The following ADGRF5 variants were observed in gnomAD, a reference collection of about 807,000 sequenced individuals.
ADGRF5 encodes the protein G-protein coupled receptor 116.
ADGRF5 carries 75 observed loss-of-function variants against 132.3 expected under a neutral mutation model. The ratio of observed to expected loss-of-function variants is 0.57; its 90% CI spans 0.47 to 0.69. The LOEUF is 0.69. Ranked by LOEUF, ADGRF5 falls within the 30% of genes least tolerant of loss-of-function variation. The probability of loss-of-function intolerance (pLI) is 0.00; values close to 1 mark genes in which losing one functional copy is unlikely to be tolerated. For missense variants in ADGRF5, 1,516 were observed against 1,630.6 expected, an observed-to-expected ratio of 0.93 and a Z score of 1.21; for synonymous variants, 629 against 597.6, an observed-to-expected ratio of 1.05 and a Z score of -0.77.
chr6:46,914,333 AT>A (rs1776241195), intron 1 of ADGRF5, among the ~76,000 whole-genome samples: 1 of 152,208 alleles, frequency 6.6e-6, no homozygotes, highest in South Asian at 2.1e-4. Flanking sequence ...GGTAAGACTT[AT>A]CTTTGCTGAC....
chr6:46,922,681 G>A (rs1044203069), upstream of ADGRF5, among the ~76,000 whole-genome samples: 3 of 152,162 alleles, frequency 2.0e-5, no homozygotes, highest in Non-Finnish European at 4.4e-5. Flanking sequence ...AACACGGATG[G>A]GGAATGCTGT....
intron 10 of ADGRF5, among the ~76,000 whole-genome samples, chr6:46,873,023 C>T (rs932248340): frequency 2.6e-5 from 4 of 152,168 alleles, no homozygotes; most frequent in Admixed American, 2.0e-4. Context: ...TAAATTACCT[C>T]CTAGCTCACA....
intron 2 of ADGRF5, among the ~76,000 whole-genome samples, chr6:46,904,260 G>A (rs1775084027): frequency 6.6e-6 from 1 of 152,284 alleles, no homozygotes; most frequent in Middle Eastern, 3.4e-3. Context: ...CACGTTCATA[G>A]GCACATTATT....
intron 13 of ADGRF5, among the ~76,000 whole-genome samples, chr6:46,866,230 T>C (rs1449370357): frequency 6.6e-6 from 1 of 152,158 alleles, no homozygotes; most frequent in Non-Finnish European, 1.5e-5. Context: ...GACAACTATA[T>C]TTTTTGGGGG....
intron 3 of ADGRF5, among the ~76,000 whole-genome samples, chr6:46,894,065 C>T (rs890482089): frequency 1.3e-5 from 2 of 152,222 alleles, no homozygotes; most frequent in Admixed American, 6.5e-5. Context: ...CTGCTAACTT[C>T]ACCCAGGAGA....
intron 1 of ADGRF5, among the ~76,000 whole-genome samples, chr6:46,914,593 A>G (rs1776263080): frequency 6.6e-6 from 1 of 152,116 alleles, no homozygotes; most frequent in African/African-American, 2.4e-5. Context: ...CACACTGCAC[A>G]TGTGGGCGGC....
At chr6:46,889,836 G>A (rs966864072) in intron 3 of ADGRF5, among the ~76,000 whole-genome samples, 2 of 150,478 alleles carry the variant, frequency 1.3e-5, no homozygotes, top group Non-Finnish European at 3.0e-5. Flanking sequence ...CTGGGCCACA[G>A]TTTTAAGCTT....
rs979672208 is a variant in ADGRF5, at chr6:46,949,756, G to A, written c.-25+4978C>T. ...TGCTGTTATTTGCCTGACTCTACTTGAGCTGAAAATGTACAGAAATGTGGC... is the reference window on the plus strand; with the variant it reads ...TGCTGTTATTTGCCTGACTCTACTTAAGCTGAAAATGTACAGAAATGTGGC... On this transcript the variant is annotated intron_variant, in intron 1 of 20. Transcript: ENST00000265417. Among the ~76,000 whole-genome samples, 5 of 152,284 alleles carry A rather than the reference G, an allele frequency of 3.3e-5. No homozygotes were observed. In the East Asian group the frequency reaches 9.6e-4, roughly 29 times the overall value.
chr6:46,921,335 G>C (rs1776922460), intron 1 of ADGRF5, among the ~76,000 whole-genome samples: 1 of 152,080 alleles, frequency 6.6e-6, no homozygotes. Flanking sequence ...GACTGGCCCT[G>C]AAATGCTCTT....
Position 46,884,105 on chromosome 6 carries a change from C to T in ADGRF5, c.495G>A (p.Leu165=), listed in dbSNP as rs1398476813. Residue 165 remains leucine (L), a synonymous_variant, in exon 5 of 21, where the codon CTG becomes CTA. Coordinates refer to ENST00000283296, the MANE Select transcript of ADGRF5 (RefSeq NM_001098518.2). Reference sequence around the variant, plus strand: ...TGAGCAGTTACTTACCTTCCTGAAGCAGGCAAAAAGGTCCATTGGGAGGCA... The same window carrying T: ...TGAGCAGTTACTTACCTTCCTGAAGTAGGCAAAAAGGTCCATTGGGAGGCA... ...KELPPNGPFC[L]LQEDVTLNMR... 2 of 1,613,498 alleles carry T rather than the reference C, an allele frequency of 1.2e-6. No homozygotes were observed. Among genetic ancestry groups the T allele is most frequent in the Admixed American group, 1.7e-5 (1 of 59,994 alleles).
rs1329347395 is a variant in ADGRF5 at position 46,878,332 on chromosome 6, G to A, written c.1110C>T (p.Ile370=). 1.9e-6 allele frequency: 3 copies of A among 1,612,938 alleles called. No individual in the cohort carries two copies. The highest frequency in any genetic ancestry group is 1.1e-5 in the South Asian group (1 of 91,048). The change falls in exon 10 of 21, where the codon ATC becomes ATT. Residue 370 remains isoleucine (I), a synonymous_variant. Transcript: ENST00000283296. ...TCATTTCTTCATTTGCCAAAATTTG[G>A]ATGGGCATAACATCTATTTTCTTCT... The part of the protein sequence containing the change: ...ECKKKIDVMP[I]QILANEEMKV...
intron 3 of ADGRF5, among the ~76,000 whole-genome samples, chr6:46,889,572 A>G (rs867675960): frequency 0.015 from 1,922 of 132,490 alleles, 49 homozygotes; most frequent in African/African-American, 0.053. Context: ...GTGTGTGTAT[A>G]TATATATATA....
intron 1 of ADGRF5, among the ~76,000 whole-genome samples, chr6:46,936,234 C>T (rs1364474756): frequency 6.6e-6 from 1 of 152,180 alleles, no homozygotes; most frequent in Non-Finnish European, 1.5e-5. Context: ...ATGCCCAAGG[C>T]CTTCCTCCCT....
At chr6:46,941,649 G>T (rs960153823) in intron 1 of ADGRF5, among the ~76,000 whole-genome samples, 23 of 142,692 alleles carry the variant, frequency 1.6e-4, no homozygotes, top group South Asian at 2.3e-4. Flanking sequence ...ATAGAGCATG[G>T]TTTTTTTTTT....
chr6:46,919,067 G>A (rs140651907), intron 1 of ADGRF5, among the ~76,000 whole-genome samples: 2 of 152,296 alleles, frequency 1.3e-5, no homozygotes, highest in South Asian at 2.1e-4. Context: ...CTAGGGTGAC[G>A]CCGATGGACA....
At chr6:46,911,267 A>C (rs553035989) in intron 1 of ADGRF5, among the ~76,000 whole-genome samples, 2 of 152,360 alleles carry the variant, frequency 1.3e-5, no homozygotes, top group East Asian at 3.9e-4. Context: ...AAGAGTTAGC[A>C]TATGTAATAA....
chr6:46,917,619 C>A (rs1490939103), intron 1 of ADGRF5, among the ~76,000 whole-genome samples: 3 of 152,156 alleles, frequency 2.0e-5, no homozygotes, highest in African/African-American at 7.2e-5. Context: ...ATAGCAAATA[C>A]TCGATAAATA....
In ADGRF5 at chr6:46,878,657, A is replaced by G. The variant is rs114895806; in HGVS notation, c.1037-252T>C. On this transcript the variant is annotated intron_variant, in intron 9 of 20. Transcript: ENST00000283296. The stretch of plus-strand genomic sequence containing the variant: ...ATTTTAGGGACTTTTCTAATAAGAA[A>G]AAAAGTATAACAATAGAAGAAGTAG... Among the ~76,000 whole-genome samples, 1,289 of 152,334 alleles carry G rather than the reference A, an allele frequency of 8.5e-3. 18 individuals carry two copies. Among genetic ancestry groups the G allele is most frequent in the African/African-American group, 0.028 (1,167 of 41,568 alleles).
chr6:46,939,198 C>G (rs181218168), intron 1 of ADGRF5, among the ~76,000 whole-genome samples: 15 of 152,306 alleles, frequency 9.8e-5, no homozygotes, highest in African/African-American at 3.6e-4. Context: ...GCAAAAATCC[C>G]AGGGACTCAT....
Sources: allele counts gnomAD v4.1 joint callset (sites outside exome capture counted in the v4.1 genomes callset), GRCh38; gene constraint gnomAD v4.1.1; transcripts MANE v1.5; gene names NCBI Gene and HGNC (gene_info 2026-07-23, HGNC 2026-07-21).